OCM: variants seen among roughly 807,000 people sequenced by gnomAD.
The protein encoded by OCM is oncomodulin.
In OCM, 18 loss-of-function variants were observed where a neutral mutation model predicts 14.1. The ratio of observed to expected loss-of-function variants is 1.28; its 90% CI spans 0.88 to 1.89. The LOEUF (loss-of-function observed/expected upper bound fraction) is 1.89, where lower values mean the gene tolerates loss of function less well. Ranked by LOEUF, OCM falls within the 40% of genes most tolerant of loss-of-function variation. The pLI, the probability that OCM is intolerant of heterozygous loss-of-function variation, is 0.00. For synonymous variants in OCM, 48 were observed against 51.0 expected (o/e 0.94, Z 0.25); for missense variants, 140 against 137.6 (o/e 1.02, Z -0.09).
the OCM span, among the ~76,000 whole-genome samples, chr7:5,859,809 T>A: frequency 6.6e-6 from 1 of 152,056 alleles, no homozygotes; most frequent in Non-Finnish European, 1.5e-5. Flanking sequence ...GCGATTCTCC[T>A]GCCTCAGCCT....
chr7:5,864,636 C>G, the OCM span, among the ~76,000 whole-genome samples: 2 of 152,020 alleles, frequency 1.3e-5, no homozygotes, highest in African/African-American at 4.8e-5. Context: ...AATAATTAAG[C>G]CTTTTGGGCA....
At chr7:5,860,728 ATATT>A in the OCM span, among the ~76,000 whole-genome samples, 9 of 143,738 alleles carry the variant, frequency 6.3e-5, 1 homozygote, top group Admixed American at 4.9e-4. Flanking sequence ...ATACGTGTAT[ATATT>A]CACGTATATA....
At chr7:5,859,903 G>C in the OCM span, among the ~76,000 whole-genome samples, 4 of 151,952 alleles carry the variant, frequency 2.6e-5, no homozygotes, top group Non-Finnish European at 4.4e-5. Flanking sequence ...GGCCAGGCTG[G>C]TCTTGAACTC....
chr7:5,860,504 GTA>G, the OCM span, among the ~76,000 whole-genome samples: 1 of 122,530 alleles, frequency 8.2e-6, no homozygotes, highest in South Asian at 2.7e-4. Context: ...TATATATTAC[GTA>G]TATATACGTG....
At chr7:5,885,356 T>G (rs557698729) in intron 3 of OCM, among the ~76,000 whole-genome samples, 4 of 152,056 alleles carry the variant, frequency 2.6e-5, no homozygotes, top group African/African-American at 9.7e-5. Context: ...AGCTACGGAA[T>G]AGAGAAAGAA....
chr7:5,880,130 T>C (rs115706459), upstream of OCM, among the ~76,000 whole-genome samples: 495 of 152,308 alleles, frequency 3.2e-3, 1 homozygote, highest in African/African-American at 0.011. Context: ...TCAGGACAGG[T>C]GCATGCCTTC....
chr7:5,883,350 C>CAAAT (rs540358405), intron 2 of OCM, among the ~76,000 whole-genome samples: 2 of 151,656 alleles, frequency 1.3e-5, no homozygotes, highest in Non-Finnish European at 2.9e-5. Flanking sequence ...GACTCTGTCT[C>CAAAT]AAATAAATAA....
At chr7:5,879,653 T>A (rs1358704033), upstream of OCM, among the ~76,000 whole-genome samples, 1 of 151,894 alleles carries the variant, frequency 6.6e-6, no homozygotes, top group Non-Finnish European at 1.5e-5. Context: ...AGGGTTCGTT[T>A]GCAGAATTGA....
upstream of OCM, among the ~76,000 whole-genome samples, chr7:5,877,170 T>C (rs534054571): frequency 6.6e-6 from 1 of 152,148 alleles, no homozygotes; most frequent in South Asian, 2.1e-4. Context: ...TTTTGCACTT[T>C]TTAAAAACTT....
the OCM span, among the ~76,000 whole-genome samples, chr7:5,867,445 G>A: frequency 2.0e-5 from 3 of 151,840 alleles, no homozygotes; most frequent in Non-Finnish European, 2.9e-5. Context: ...ATAATAATGC[G>A]CCCTTTATAC....
upstream of OCM, among the ~76,000 whole-genome samples, chr7:5,877,379 G>A (rs1781115213): frequency 6.6e-6 from 1 of 151,662 alleles, no homozygotes; most frequent in African/African-American, 2.4e-5. Flanking sequence ...GAGCTGGGAG[G>A]ATTGCCTGAG....
At chr7:5,873,790 AGAT>A in the OCM span, among the ~76,000 whole-genome samples, 2 of 152,076 alleles carry the variant, frequency 1.3e-5, no homozygotes, top group East Asian at 3.9e-4. Context: ...CATGAAGAGA[AGAT>A]GAAGTTGAGA....
At position 5,880,834 on chromosome 7, in the gene OCM, C is replaced by G. The variant is rs1781196927; in HGVS notation, c.-56C>G. On this transcript the variant is annotated 5_prime_UTR_variant, in exon 1 of 4. Transcript: ENST00000242104. ...GGAAGATGTGTTTCCCCTGGATGTG[C>G]ACATTCCTGTTTGTGGCTTATCGCC... 2 of 1,534,018 alleles carry G rather than the reference C, an allele frequency of 1.3e-6. No individual in the cohort carries two copies. The highest frequency in any genetic ancestry group is 1.8e-6 in the Non-Finnish European group (2 of 1,107,550).
upstream of OCM, among the ~76,000 whole-genome samples, chr7:5,876,606 G>C (rs1781100015): frequency 6.6e-6 from 1 of 152,184 alleles, no homozygotes; most frequent in African/African-American, 2.4e-5. Context: ...ATAAAATGTG[G>C]ATGAGAGGTA....
the OCM span, among the ~76,000 whole-genome samples, chr7:5,873,905 C>G: frequency 2.0e-5 from 3 of 151,776 alleles, no homozygotes; most frequent in Admixed American, 6.6e-5. Context: ...CCCATACATT[C>G]AAGAGTTTTG....
chr7:5,868,551 T>A, the OCM span, among the ~76,000 whole-genome samples: 1 of 151,184 alleles, frequency 6.6e-6, no homozygotes, highest in Non-Finnish European at 1.5e-5. Context: ...TCAGTTTCAC[T>A]GAGTAATTTA....
chr7:5,883,522 A>G (rs1160307915), intron 2 of OCM, among the ~76,000 whole-genome samples: 1 of 151,666 alleles, frequency 6.6e-6, no homozygotes, highest in Admixed American at 6.6e-5. Context: ...TGTCTCTACA[A>G]AAAAAAATAC....
At chr7:5,867,052 C>T in the OCM span, among the ~76,000 whole-genome samples, 5 of 152,198 alleles carry the variant, frequency 3.3e-5, no homozygotes, top group African/African-American at 1.2e-4. Flanking sequence ...TAACAAATCC[C>T]TGCACATTGG....
the OCM span, among the ~76,000 whole-genome samples, chr7:5,865,508 C>T: frequency 6.6e-6 from 1 of 152,332 alleles, no homozygotes; most frequent in South Asian, 2.1e-4. Flanking sequence ...CTTTTTAGAA[C>T]ACCGTGAAGG....
Sources: gnomAD v4.1 joint callset for allele counts (sites outside exome capture counted in the v4.1 genomes callset) on GRCh38, gnomAD v4.1.1 for gene constraint, MANE v1.5 for transcripts, NCBI Gene and HGNC (gene_info 2026-07-23, HGNC 2026-07-21) for gene names.